Variants in COX15 observed in about 807,000 individuals in gnomAD.
COX15 encodes cytochrome c oxidase assembly factor COX15.
Under a neutral mutation model 51.9 loss-of-function variants are expected in COX15, and 51 were observed. That is an observed-to-expected ratio of 0.98 (90% CI 0.78 to 1.24). COX15 has a LOEUF of 1.24. Among genes scored for constraint, COX15 ranks in the 50% most tolerant of loss-of-function variants. The probability of loss-of-function intolerance (pLI) is 0.00; values close to 1 mark genes in which losing one functional copy is unlikely to be tolerated. For missense variants in COX15, 420 were observed against 501.1 expected (o/e 0.84, Z 1.55); for synonymous variants, 188 against 190.5 (o/e 0.99, Z 0.11).
At chr10:99,698,027 T>A in the COX15 span, 1 of 158,614 alleles carries the variant, frequency 6.3e-6, no homozygotes, top group African/African-American at 2.4e-5. Context: ...GAGCTGGTGC[T>A]GTGCCTGTTC....
the COX15 span, chr10:99,704,665 A>T: frequency 6.2e-7 from 1 of 1,613,672 alleles, no homozygotes. Context: ...CCATGATGGG[A>T]GTACAGGTGG....
Position 99,713,213 on chromosome 10 carries a change from C to A in COX15, c.*1374G>T. On this transcript the variant is annotated 3_prime_UTR_variant, in exon 9 of 9. Coordinates refer to ENST00000016171, the MANE Select transcript of COX15 (RefSeq NM_078470.6). ...ACTTGGTTCATATTGAACCTGAGGA[C>A]AACTAAAATCCCGTCTTTTTTATAT... 2 of 1,389,372 alleles carry A rather than the reference C, an allele frequency of 1.4e-6. No homozygotes were observed. Among genetic ancestry groups the A allele is most frequent in the Non-Finnish European group, 1.9e-6 (2 of 1,056,218 alleles). The allele number at this position is 1,389,372 out of a possible 1,614,324, so 86.1% of individuals were successfully genotyped here. A position where few individuals can be genotyped will look rare whatever the true frequency, so the allele number is the denominator to read the frequency against.
At position 99,732,050 on chromosome 10, in the gene COX15, A is replaced by G; in HGVS notation, c.-1T>C. On this transcript the variant is annotated 5_prime_UTR_variant, in exon 1 of 9. Transcript: ENST00000016171. The stretch of plus-strand genomic sequence containing the variant: ...ACGGCGGAAAGAGCAATCGCTGCAT[A>G]CTGATGACAGGGAACAGCCACCTCT... 6.2e-7 allele frequency: 1 copy of G among 1,612,348 alleles called. No homozygotes were observed. The highest frequency in any genetic ancestry group is 8.5e-7 in the Non-Finnish European group (1 of 1,179,406).
In COX15 at chr10:99,714,320, A is replaced by G; in HGVS notation, c.*267T>C. The G allele has an allele frequency of 8.0e-7, 1 of 1,246,980 alleles. No homozygotes were observed. The allele number at this position is 1,246,980 out of a possible 1,614,324, so 77.2% of individuals were successfully genotyped here. On this transcript the variant is annotated 3_prime_UTR_variant, in exon 9 of 9. Transcript: ENST00000016171. ...GAAAAACCTGACACAAAGCCTGTTA[A>G]GCAGCAAATGGCAGACATTTCTTTC... is the stretch of plus-strand genomic sequence containing the variant.
the COX15 span, chr10:99,704,334 A>G: frequency 9.9e-7 from 1 of 1,014,760 alleles, no homozygotes. Flanking sequence ...CTGGTGTCAT[A>G]AAATGTTTAT....
the COX15 span, among the ~76,000 whole-genome samples, chr10:99,695,559 A>G: frequency 6.6e-6 from 1 of 152,082 alleles, no homozygotes; most frequent in Non-Finnish European, 1.5e-5. Context: ...GCCACAGAAT[A>G]GATCTTATGA....
chr10:99,701,481 G>T, the COX15 span, among the ~76,000 whole-genome samples: 1 of 151,590 alleles, frequency 6.6e-6, no homozygotes, highest in Non-Finnish European at 1.5e-5. Flanking sequence ...TAGAGACGGG[G>T]TTTCGCAATG....
chr10:99,718,279 C>T, intron 7 of COX15, 67 bp downstream of exon 7: 2 of 1,575,352 alleles, frequency 1.3e-6, no homozygotes, highest in Non-Finnish European at 1.7e-6. Context: ...ATCAGTGCTT[C>T]ACTGACACCC....
chr10:99,696,016 G>T, the COX15 span: 1 of 1,614,164 alleles, frequency 6.2e-7, no homozygotes, highest in South Asian at 1.1e-5. Context: ...GCAACACACT[G>T]AACACGTGTA....
the COX15 span, chr10:99,702,589 T>G: frequency 1.2e-6 from 2 of 1,613,650 alleles, no homozygotes; most frequent in Non-Finnish European, 1.7e-6. Context: ...TACCCAAACC[T>G]GCGGACAGCC....
Position 99,718,384 on chromosome 10 carries a change from C to G in COX15, c.949G>C (p.Glu317Gln). ...TFSPILRNVF[E>Q]NPTMVQFDHR... ...TCAAACTGCACCATGGTGGGATTCTCAAAAACATTCCTCAGGATGGGGGAG... is the reference window on the plus strand; with the variant it reads ...TCAAACTGCACCATGGTGGGATTCTGAAAAACATTCCTCAGGATGGGGGAG... Residue 317 changes from glutamate (E) to glutamine (Q), a missense_variant, in exon 7 of 9, where the codon GAG (glutamate) becomes CAG (glutamine). By Grantham distance (29) the Glu-to-Gln change is conservative (BLOSUM62 2). Transcript: ENST00000016171. The G allele has an allele frequency of 6.2e-7, 1 of 1,614,060 alleles. No homozygotes were observed. The highest frequency in any genetic ancestry group is 8.5e-7 in the Non-Finnish European group (1 of 1,179,996).
chr10:99,712,924 GCT>G lies in COX15; in HGVS notation c.*1661_*1662del, dbSNP rs1268012348. ...TCAACTTCTCAAGGACAGGAATCTT[GCT>G]CTCTCTCCAGATGTTCTCTGCTCCA... On this transcript the variant is annotated 3_prime_UTR_variant, in exon 9 of 9. Coordinates refer to ENST00000016171, the MANE Select transcript of COX15 (RefSeq NM_078470.6). The G allele has an allele frequency of 9.1e-6, 7 of 772,722 alleles. No homozygotes were observed. The highest frequency in any genetic ancestry group is 5.7e-5 in the Admixed American group (1 of 17,466). The allele number at this position is 772,722 out of a possible 1,614,324, so 47.9% of individuals were successfully genotyped here. A position where few individuals can be genotyped will look rare whatever the true frequency, so the allele number is the denominator to read the frequency against.
At chr10:99,709,774 G>A, downstream of COX15, 7 of 985,226 alleles carry the variant, frequency 7.1e-6, no homozygotes, top group Non-Finnish European at 8.4e-6. Context: ...GACTTCTCTT[G>A]TGTTATTACA....
the COX15 span, among the ~76,000 whole-genome samples, chr10:99,698,189 A>G: frequency 6.6e-6 from 1 of 152,142 alleles, no homozygotes; most frequent in African/African-American, 2.4e-5. Flanking sequence ...TAAACATTAG[A>G]ACCACACTCC....
At chr10:99,695,219 G>A in the COX15 span, among the ~76,000 whole-genome samples, 1 of 152,012 alleles carries the variant, frequency 6.6e-6, no homozygotes, top group African/African-American at 2.4e-5. Context: ...AGGGCTTCTT[G>A]GATAATGTTA....
chr10:99,724,312 G>A (rs2036876247), intron 4 of COX15, among the ~76,000 whole-genome samples, 189 bp from the exon 5 acceptor site: 1 of 151,984 alleles, frequency 6.6e-6, no homozygotes, highest in Non-Finnish European at 1.5e-5. Context: ...CCTCCCAAGT[G>A]GCTGGGACTA....
At chr10:99,728,211 G>A (rs557940626) in intron 2 of COX15, among the ~76,000 whole-genome samples, 1 of 152,314 alleles carries the variant, frequency 6.6e-6, no homozygotes, top group East Asian at 1.9e-4. Flanking sequence ...ACTATCAAAG[G>A]TAATTAGGGC....
chr10:99,705,931 A>G (rs1011946728), downstream of COX15: 14 of 152,190 alleles, frequency 9.2e-5, no homozygotes, highest in African/African-American at 3.4e-4. Flanking sequence ...TTAGCCATTA[A>G]ATTGCATGAG....
the COX15 span, chr10:99,704,540 A>G: frequency 1.2e-6 from 2 of 1,613,974 alleles, no homozygotes; most frequent in Non-Finnish European, 1.7e-6. Flanking sequence ...CTTTGCCTGT[A>G]TCCTGGTGGT....
Sources: gnomAD v4.1 joint callset for allele counts (sites outside exome capture counted in the v4.1 genomes callset) on GRCh38, gnomAD v4.1.1 for gene constraint, MANE v1.5 for transcripts, NCBI Gene and HGNC (gene_info 2026-07-23, HGNC 2026-07-21) for gene names.